FNDC3A: variants seen among roughly 807,000 people sequenced by gnomAD.
The protein encoded by FNDC3A is fibronectin type III domain containing 3A, also known as fibronectin type-III domain-containing protein 3A.
Under a neutral mutation model 148.9 loss-of-function variants are expected in FNDC3A, and 32 were observed. The ratio of observed to expected loss-of-function variants is 0.21; its 90% CI spans 0.16 to 0.29. The LOEUF is 0.29. Ranked by LOEUF, FNDC3A falls within the 10% of genes least tolerant of loss-of-function variation. The probability of loss-of-function intolerance (pLI) is 1.00; values close to 1 mark genes in which losing one functional copy is unlikely to be tolerated. For missense variants in FNDC3A, 1,191 were observed against 1,452.8 expected, an observed-to-expected ratio of 0.82 and a Z score of 2.93; for synonymous variants, 472 against 473.6, an observed-to-expected ratio of 1.00 and a Z score of 0.04.
intron 2 of FNDC3A, chr13:49,045,528 C>G: frequency 3.4e-6 from 1 of 291,968 alleles, no homozygotes. Context: ...ACCCTCCTGG[C>G]ATGTGTGACA....
At chr13:48,996,859 C>T (rs1468334915) in intron 1 of FNDC3A, among the ~76,000 whole-genome samples, 4 of 151,994 alleles carry the variant, frequency 2.6e-5, no homozygotes, top group African/African-American at 9.7e-5. Context: ...GTCAGCAGTT[C>T]GAGACCAGCC....
chr13:49,060,908 T>C (rs1318815796), intron 2 of FNDC3A, among the ~76,000 whole-genome samples: 3 of 152,170 alleles, frequency 2.0e-5, no homozygotes, highest in African/African-American at 7.2e-5. Context: ...GTTTTGGAAG[T>C]ATACATGGAG....
intron 3 of FNDC3A, among the ~76,000 whole-genome samples, chr13:49,100,204 A>C (rs892334129): frequency 6.6e-6 from 1 of 152,042 alleles, no homozygotes; most frequent in Admixed American, 6.6e-5. Flanking sequence ...AAAGCATTTT[A>C]TTTTTCGATA....
chr13:49,057,682 CTAA>C (rs1876353219), intron 2 of FNDC3A, among the ~76,000 whole-genome samples: 1 of 152,164 alleles, frequency 6.6e-6, no homozygotes, highest in Admixed American at 6.5e-5. Context: ...ATTTAATATA[CTAA>C]TAATGAAATT....
At chr13:49,101,646 ATC>A (rs1226045009) in intron 3 of FNDC3A, among the ~76,000 whole-genome samples, 1 of 152,086 alleles carries the variant, frequency 6.6e-6, no homozygotes, top group East Asian at 1.9e-4. Context: ...ATAGCTGACA[ATC>A]TCTTTCTGCA....
Position 49,203,199 on chromosome 13 carries a change from C to G in FNDC3A, c.3197C>G (p.Thr1066Arg), listed in dbSNP as rs773258209. Residue 1066 changes from threonine (T) to arginine (R), a missense_variant, in exon 25 of 26, where the codon ACA (threonine) becomes AGA (arginine). Thr to Arg is a moderately conservative substitution (Grantham distance 71, BLOSUM62 -1). Around this residue, in one of 3 missense-constraint regions of FNDC3A, gnomAD observed 751 missense variants for 944.0 expected, o/e 0.80. Coordinates refer to ENST00000492622, the MANE Select transcript of FNDC3A (RefSeq NM_001079673.2). ...GTAAATGATCACATTTGTGAAATTA[C>G]ATGGGAGTGTTTACAGCCAATGAAA... ...EKVNDHICEI[T>R]WECLQPMKGD... 1 of 1,602,960 alleles carries G rather than the reference C, an allele frequency of 6.2e-7. No individual in the cohort carries two copies.
At chr13:49,162,222 TC>T in intron 8 of FNDC3A, among the ~76,000 whole-genome samples, 1 of 152,336 alleles carries the variant, frequency 6.6e-6, no homozygotes, top group Non-Finnish European at 1.5e-5. Context: ...GGTTCCATTC[TC>T]CCTGCCACTT....
intron 2 of FNDC3A, chr13:49,045,923 A>G: frequency 4.7e-6 from 1 of 214,716 alleles, no homozygotes; most frequent in South Asian, 1.2e-4. Context: ...CAGGGACAAT[A>G]CTTTTTCCTT....
chr13:49,106,256 A>G (rs773943513), intron 3 of FNDC3A, among the ~76,000 whole-genome samples: 7 of 152,184 alleles, frequency 4.6e-5, no homozygotes, highest in Admixed American at 2.6e-4. Context: ...GCAGTATTCA[A>G]TCTTCCCCCT....
rs888734671 is a variant in FNDC3A at position 49,149,653 on chromosome 13, CT to C, written c.977+3725del. Among the ~76,000 whole-genome samples the C allele has an allele frequency of 2.0e-5, 3 of 152,140 alleles. No homozygotes were observed. In the East Asian group the frequency reaches 5.8e-4, roughly 29 times the overall value. On this transcript the variant is annotated intron_variant, in intron 8 of 25. Transcript: ENST00000492622. ...TTATCAAGGATTAGTCTGTACTTTT[CT>C]TTTTTTGTTGTGTCCGTATCTGGTT...
At chr13:49,127,301 T>C (rs1881760103) in intron 4 of FNDC3A, among the ~76,000 whole-genome samples, 1 of 152,262 alleles carries the variant, frequency 6.6e-6, no homozygotes, top group Admixed American at 6.5e-5. Context: ...CAAAGTTTCT[T>C]GACTTCACTA....
chr13:49,122,460 A>C (rs554113127), intron 4 of FNDC3A, among the ~76,000 whole-genome samples: 21 of 152,318 alleles, frequency 1.4e-4, no homozygotes, highest in African/African-American at 4.3e-4. Flanking sequence ...GCCCTCTCTC[A>C]CCATTCCTAC....
intron 1 of FNDC3A, among the ~76,000 whole-genome samples, chr13:48,986,749 T>G (rs1951813332): frequency 6.6e-6 from 1 of 152,082 alleles, no homozygotes; most frequent in Admixed American, 6.6e-5. Context: ...TTAGAGGCAA[T>G]CTTTAACCAA....
chr13:49,030,150 A>G (rs1252240913), intron 2 of FNDC3A, among the ~76,000 whole-genome samples: 1 of 152,182 alleles, frequency 6.6e-6, no homozygotes, highest in East Asian at 1.9e-4. Context: ...GTACTAGCAA[A>G]TCAAGTCCAT....
intron 8 of FNDC3A, among the ~76,000 whole-genome samples, chr13:49,150,759 A>G (rs1227465102): frequency 1.3e-5 from 2 of 152,094 alleles, no homozygotes; most frequent in Non-Finnish European, 2.9e-5. Flanking sequence ...ATCCTGGCCA[A>G]CATGGTGAAA....
At chr13:49,188,723 T>C in intron 17 of FNDC3A, 90 bp downstream of exon 17, 1 of 795,148 alleles carries the variant, frequency 1.3e-6, no homozygotes, top group South Asian at 1.6e-5. Context: ...TATTGAAACA[T>C]ATCCACAAAT....
intron 2 of FNDC3A, among the ~76,000 whole-genome samples, chr13:49,022,606 T>C (rs1873407989): frequency 6.6e-6 from 1 of 152,152 alleles, no homozygotes. Flanking sequence ...CTTATACTTT[T>C]GTGACAATAA....
intron 2 of FNDC3A, among the ~76,000 whole-genome samples, chr13:49,062,565 C>T (rs1308552975): frequency 6.6e-6 from 1 of 152,188 alleles, no homozygotes; most frequent in Non-Finnish European, 1.5e-5. Flanking sequence ...TGACTTCGTA[C>T]ACATTATATG....
At chr13:49,079,941 A>G (rs1176227067) in intron 3 of FNDC3A, among the ~76,000 whole-genome samples, 2 of 151,998 alleles carry the variant, frequency 1.3e-5, no homozygotes, top group Non-Finnish European at 2.9e-5. Context: ...TAGCCTCCTG[A>G]GCAGTTAGGA....
Sources: gnomAD v4.1 joint callset for allele counts (sites outside exome capture counted in the v4.1 genomes callset) on GRCh38, gnomAD v4.1.1 for gene constraint, gnomAD v4.1.1 regional missense constraint, MANE v1.5 for transcripts, NCBI Gene and HGNC (gene_info 2026-07-23, HGNC 2026-07-21) for gene names.